SPOCK1: variants seen among roughly 807,000 people sequenced by gnomAD.
SPOCK1 encodes the protein testican-1.
In SPOCK1, 23 loss-of-function variants were observed where a neutral mutation model predicts 55.3. That is an observed-to-expected ratio of 0.42 (90% CI 0.30 to 0.59). SPOCK1 has a LOEUF of 0.59. Ranked by LOEUF, SPOCK1 falls within the 20% of genes least tolerant of loss-of-function variation. SPOCK1 has a pLI of 0.22. For missense variants in SPOCK1, 499 were observed against 552.5 expected (o/e 0.90, Z 0.97); for synonymous variants, 226 against 221.0 (o/e 1.02, Z -0.20).
chr5:137,096,002 G>A (rs1381984767), intron 5 of SPOCK1, among the ~76,000 whole-genome samples: 2 of 152,124 alleles, frequency 1.3e-5, no homozygotes, highest in African/African-American at 4.8e-5. Flanking sequence ...GGGAAGGAGG[G>A]AGCCTCCCTC....
intron 5 of SPOCK1, among the ~76,000 whole-genome samples, chr5:137,083,952 C>T (rs1261144126): frequency 6.6e-6 from 1 of 152,034 alleles, no homozygotes; most frequent in Admixed American, 6.5e-5. Flanking sequence ...AATCCCAGCT[C>T]TTGCTTGCCC....
intron 9 of SPOCK1, among the ~76,000 whole-genome samples, chr5:136,984,780 A>G (rs911283517): frequency 1.3e-5 from 2 of 152,220 alleles, no homozygotes; most frequent in Non-Finnish European, 2.9e-5. Flanking sequence ...GGAATGGAGG[A>G]AATGCTATAA....
chr5:137,278,293 A>G (rs2127123597), intron 2 of SPOCK1, among the ~76,000 whole-genome samples: 1 of 152,336 alleles, frequency 6.6e-6, no homozygotes, highest in Admixed American at 6.5e-5. Flanking sequence ...AAATAAATTG[A>G]GTCCAAGACT....
intron 5 of SPOCK1, among the ~76,000 whole-genome samples, chr5:137,071,627 G>A (rs1259742222): frequency 1.3e-5 from 2 of 152,124 alleles, no homozygotes; most frequent in East Asian, 3.8e-4. Context: ...CTCCTATGGA[G>A]GTGACAACGA....
chr5:137,370,263 G>A (rs1479135501), intron 2 of SPOCK1, among the ~76,000 whole-genome samples: 1 of 152,136 alleles, frequency 6.6e-6, no homozygotes, highest in Non-Finnish European at 1.5e-5. Context: ...GAAAACACAA[G>A]AGATGTGATT....
At chr5:137,358,390 AAAGGAAGGAAGGAAGG>A (rs143349157) in intron 2 of SPOCK1, among the ~76,000 whole-genome samples, 107 of 116,450 alleles carry the variant, frequency 9.2e-4, no homozygotes, top group South Asian at 1.9e-3. Flanking sequence ...TTCATGACGG[AAAGGAAGGAAGGAAGG>A]AAGGAAGGAA....
chr5:137,228,080 A>T (rs185822391), intron 3 of SPOCK1, among the ~76,000 whole-genome samples: 1 of 152,354 alleles, frequency 6.6e-6, no homozygotes. Flanking sequence ...AAACAGGAAT[A>T]CAGGGCTTTC....
intron 4 of SPOCK1, among the ~76,000 whole-genome samples, chr5:137,139,115 G>C (rs1416636391): frequency 6.6e-6 from 1 of 152,226 alleles, no homozygotes; most frequent in African/African-American, 2.4e-5. Flanking sequence ...ATGCAATCTA[G>C]CTTTACTACC....
intron 4 of SPOCK1, among the ~76,000 whole-genome samples, chr5:137,132,984 G>A (rs962632156): frequency 2.6e-5 from 4 of 152,168 alleles, no homozygotes; most frequent in African/African-American, 4.8e-5. Context: ...AGATGGTACT[G>A]AAAGCAAGGC....
chr5:137,293,878 G>C (rs192792670), intron 2 of SPOCK1, among the ~76,000 whole-genome samples: 12 of 152,182 alleles, frequency 7.9e-5, no homozygotes, highest in Admixed American at 2.6e-4. Flanking sequence ...TTAGCCGGGC[G>C]TGGTGGCATG....
At chr5:137,200,478 C>A (rs1300699978) in intron 3 of SPOCK1, among the ~76,000 whole-genome samples, 1 of 152,212 alleles carries the variant, frequency 6.6e-6, no homozygotes, top group African/African-American at 2.4e-5. Context: ...AGCCTGATTG[C>A]TGGCTGTCTC....
intron 5 of SPOCK1, among the ~76,000 whole-genome samples, chr5:137,100,506 C>T (rs1487543390): frequency 1.3e-5 from 2 of 152,172 alleles, no homozygotes; most frequent in Non-Finnish European, 2.9e-5. Context: ...TGATACATAT[C>T]ATCTTTTGGC....
At chr5:137,183,122 A>G (rs1025705911) in intron 3 of SPOCK1, among the ~76,000 whole-genome samples, 4 of 152,162 alleles carry the variant, frequency 2.6e-5, no homozygotes, top group South Asian at 2.1e-4. Context: ...ACATGTAAAT[A>G]TATCCTTCCA....
At chr5:137,207,152 A>G (rs1755533117) in intron 3 of SPOCK1, among the ~76,000 whole-genome samples, 1 of 152,214 alleles carries the variant, frequency 6.6e-6, no homozygotes, top group African/African-American at 2.4e-5. Context: ...GTCCTCTGGT[A>G]TCCAGGTACA....
intron 3 of SPOCK1, among the ~76,000 whole-genome samples, chr5:137,246,374 T>C (rs980653511): frequency 6.6e-6 from 1 of 152,238 alleles, no homozygotes; most frequent in African/African-American, 2.4e-5. Context: ...GTCATTAGGA[T>C]ATGACATTTC....
intron 3 of SPOCK1, among the ~76,000 whole-genome samples, chr5:137,243,330 AG>A (rs1182739438): frequency 6.6e-6 from 1 of 152,222 alleles, no homozygotes; most frequent in Non-Finnish European, 1.5e-5. Context: ...AACGTTTCAA[AG>A]GCAGGCTAGT....
intron 2 of SPOCK1, among the ~76,000 whole-genome samples, chr5:137,385,995 C>A (rs1751592638): frequency 6.6e-6 from 1 of 152,122 alleles, no homozygotes; most frequent in Admixed American, 6.5e-5. Flanking sequence ...ATTTTATTTA[C>A]AAAAGCAGGT....
intron 6 of SPOCK1, among the ~76,000 whole-genome samples, chr5:137,019,387 G>A (rs1327972756): frequency 2.6e-5 from 4 of 152,060 alleles, no homozygotes; most frequent in Non-Finnish European, 5.9e-5. Flanking sequence ...ATACAGTTTA[G>A]TGCCTTGCTC....
intron 3 of SPOCK1, among the ~76,000 whole-genome samples, chr5:137,149,298 C>G (rs551661586): frequency 5.3e-4 from 81 of 152,268 alleles, no homozygotes; most frequent in African/African-American, 1.9e-3. Flanking sequence ...GGCCTGGCCT[C>G]TAAGTAGAGA....
Sources: allele counts gnomAD v4.1 joint callset (sites outside exome capture counted in the v4.1 genomes callset), GRCh38; gene constraint gnomAD v4.1.1; transcripts MANE v1.5; gene names NCBI Gene and HGNC (gene_info 2026-07-23, HGNC 2026-07-21).